STAU2: variants seen among roughly 807,000 people sequenced by gnomAD.
The protein encoded by STAU2 is double-stranded RNA-binding protein Staufen homolog 2.
STAU2 carries 20 observed loss-of-function variants against 65.9 expected under a neutral mutation model. The ratio of observed to expected loss-of-function variants is 0.30; its 90% CI spans 0.21 to 0.44. The LOEUF (loss-of-function observed/expected upper bound fraction) is 0.44, where lower values mean the gene tolerates loss of function less well. STAU2 is among the 20% of genes least tolerant of loss of function. The pLI is 1.00. For synonymous variants in STAU2, 232 were observed against 233.9 expected (o/e 0.99, Z 0.07); for missense variants, 558 against 683.9 (o/e 0.82, Z 2.05).
At chr8:73,449,261 G>A (rs1421170450) in intron 13 of STAU2, among the ~76,000 whole-genome samples, 1 of 152,204 alleles carries the variant, frequency 6.6e-6, no homozygotes, top group African/African-American at 2.4e-5. Context: ...TCTGGAGGCC[G>A]GAAGTCCAAG....
Position 73,515,773 on chromosome 8 carries a change from C to CTTTTT in STAU2, c.1530+36234_1530+36238dup, listed in dbSNP as rs75132374. Reference sequence around the variant, plus strand: ...TTCTCCCTGTGCTGAAAAAATTTCTCTTTTTTTTTTTTTTTTTTTTTTTTT... The same window carrying CTTTTT: ...TTCTCCCTGTGCTGAAAAAATTTCTCTTTTTTTTTTTTTTTTTTTTTTTTTTTTTT... On this transcript the variant is annotated intron_variant, in intron 13 of 14. Coordinates refer to ENST00000524300, the MANE Select transcript of STAU2 (RefSeq NM_001164380.2). 2.4e-4 allele frequency among the ~76,000 whole-genome samples: 22 copies of CTTTTT among 90,934 alleles called. 1 individual carries two copies. Among genetic ancestry groups the CTTTTT allele is most frequent in the South Asian group, 8.7e-4 (2 of 2,306 alleles). 59.7% of individuals were successfully genotyped at this position (90,934 alleles called of 152,430 possible).
chr8:73,632,520 A>G (rs1002775124), intron 6 of STAU2, among the ~76,000 whole-genome samples: 1 of 152,222 alleles, frequency 6.6e-6, no homozygotes. Context: ...AGAACAAAAA[A>G]GGGTTTGCAA....
At chr8:73,574,635 T>A (rs966419173) in intron 12 of STAU2, among the ~76,000 whole-genome samples, 2 of 152,166 alleles carry the variant, frequency 1.3e-5, no homozygotes, top group Non-Finnish European at 2.9e-5. Context: ...GAAACCATCA[T>A]TCTGAGCAAA....
At chr8:73,550,315 A>C in intron 13 of STAU2, 1 of 983,466 alleles carries the variant, frequency 1.0e-6, no homozygotes, top group Non-Finnish European at 1.2e-6. Flanking sequence ...CTACATGTTG[A>C]CTACAGTGAA....
intron 13 of STAU2, among the ~76,000 whole-genome samples, chr8:73,479,661 C>T (rs2128909617): frequency 6.7e-6 from 1 of 148,754 alleles, no homozygotes; most frequent in South Asian, 2.1e-4. Context: ...TTAATGACAA[C>T]TATCAAAACT....
chr8:73,517,391 C>T (rs2128926824), intron 13 of STAU2, among the ~76,000 whole-genome samples: 1 of 152,134 alleles, frequency 6.6e-6, no homozygotes, highest in East Asian at 1.9e-4. Context: ...TGCCACTGCA[C>T]TCCACCCTGG....
intron 5 of STAU2, among the ~76,000 whole-genome samples, chr8:73,685,800 G>A (rs1166466627): frequency 6.6e-6 from 1 of 152,168 alleles, no homozygotes; most frequent in Non-Finnish European, 1.5e-5. Context: ...TCCCACTACT[G>A]GGTATCTACC....
chr8:73,739,951 A>G (rs1806721933), intron 1 of STAU2, 83 bp from the exon 2 acceptor site: 1 of 671,284 alleles, frequency 1.5e-6, no homozygotes, highest in African/African-American at 1.8e-5. Context: ...ACCTTCTCTC[A>G]CTCATTTGCT....
chr8:73,733,848 G>C lies in STAU2; in HGVS notation c.-18+4436C>G, dbSNP rs187826897. Among the ~76,000 whole-genome samples, 507 of 152,164 alleles carry C rather than the reference G, an allele frequency of 3.3e-3. 2 individuals are homozygous for C. Among genetic ancestry groups the C allele is most frequent in the Non-Finnish European group, 5.3e-3 (363 of 67,992 alleles). On this transcript the variant is annotated intron_variant, in intron 3 of 14. Coordinates refer to ENST00000524300, the MANE Select transcript of STAU2 (RefSeq NM_001164380.2). ...CTGGCAGATATAATTTTGTCTTTTT[G>C]GGAGCTATACACCAAATATCTTTAA...
intron 13 of STAU2, among the ~76,000 whole-genome samples, chr8:73,507,985 C>A (rs753852302): frequency 6.6e-6 from 1 of 152,184 alleles, no homozygotes; most frequent in Non-Finnish European, 1.5e-5. Context: ...TAGGGCCTTG[C>A]TCTGGATTAG....
At chr8:73,477,783 G>A (rs1820394506) in intron 13 of STAU2, among the ~76,000 whole-genome samples, 1 of 152,184 alleles carries the variant, frequency 6.6e-6, no homozygotes, top group Non-Finnish European at 1.5e-5. Context: ...TTCTGCATTA[G>A]GCAATTGGGT....
At chr8:73,645,448 T>C (rs1815299796) in intron 6 of STAU2, among the ~76,000 whole-genome samples, 1 of 152,144 alleles carries the variant, frequency 6.6e-6, no homozygotes, top group African/African-American at 2.4e-5. Flanking sequence ...TCCAGTTGGA[T>C]TTAAAATATT....
chr8:73,544,382 G>A (rs1806755499), intron 13 of STAU2, among the ~76,000 whole-genome samples: 1 of 152,090 alleles, frequency 6.6e-6, no homozygotes, highest in African/African-American at 2.4e-5. Context: ...TTATCTTTCT[G>A]TTAACCAATC....
intron 5 of STAU2, among the ~76,000 whole-genome samples, chr8:73,687,259 T>TAAAA: frequency 9.1e-5 from 11 of 120,918 alleles, no homozygotes; most frequent in Admixed American, 3.5e-4. Flanking sequence ...AATTAATTTA[T>TAAAA]ATTTCTATTA....
rs555626259 is a variant in STAU2 at position 73,573,006 on chromosome 8, T to C, written c.1222+9764A>G. Among the ~76,000 whole-genome samples, 471 of 152,308 alleles carry C rather than the reference T, an allele frequency of 3.1e-3. 2 individuals are homozygous for C. Among genetic ancestry groups the C allele is most frequent in the Non-Finnish European group, 4.4e-3 (298 of 68,022 alleles). ...ATGATTGTATATTTAGAAAACCTCATTGTCTCAGCCCAAAATCCCCTTAAG... is the reference window on the plus strand; with the variant it reads ...ATGATTGTATATTTAGAAAACCTCACTGTCTCAGCCCAAAATCCCCTTAAG... On this transcript the variant is annotated intron_variant, in intron 12 of 14. Coordinates refer to ENST00000524300, the MANE Select transcript of STAU2 (RefSeq NM_001164380.2).
At chr8:73,582,463 T>G (rs1810059787) in intron 12 of STAU2, among the ~76,000 whole-genome samples, 1 of 150,350 alleles carries the variant, frequency 6.7e-6, no homozygotes, top group African/African-American at 2.4e-5. Context: ...TTAAATTATT[T>G]TTTATATTTT....
intron 13 of STAU2, among the ~76,000 whole-genome samples, chr8:73,448,355 C>T (rs1818593385): frequency 6.6e-6 from 1 of 151,992 alleles, no homozygotes. Flanking sequence ...GCGATCTTGG[C>T]TCACTGCAAC....
chr8:73,659,179 A>C (rs1006810218), intron 6 of STAU2, among the ~76,000 whole-genome samples: 1 of 152,186 alleles, frequency 6.6e-6, no homozygotes, highest in Non-Finnish European at 1.5e-5. Flanking sequence ...CTGGCAACCT[A>C]TATAAACCTT....
At chr8:73,514,416 A>G (rs1432517431) in intron 13 of STAU2, among the ~76,000 whole-genome samples, 2 of 152,194 alleles carry the variant, frequency 1.3e-5, no homozygotes, top group Non-Finnish European at 2.9e-5. Context: ...TAAATTTCAT[A>G]CTGCTCAGCC....
Sources: gnomAD v4.1 joint callset for allele counts (sites outside exome capture counted in the v4.1 genomes callset) on GRCh38, gnomAD v4.1.1 for gene constraint, MANE v1.5 for transcripts, NCBI Gene and HGNC (gene_info 2026-07-23, HGNC 2026-07-21) for gene names.